Variants in PGGHG observed in about 807,000 individuals in gnomAD.
PGGHG encodes the protein ATH1, acid trehalase-like 1.
A neutral mutation model predicts 74.5 loss-of-function variants in PGGHG; 67 were observed. That is an observed-to-expected ratio of 0.90 (90% CI 0.74 to 1.10). The LOEUF is 1.10. Among genes scored for constraint, PGGHG ranks in the 50% least tolerant of loss-of-function variants. The pLI, the probability that PGGHG is intolerant of heterozygous loss-of-function variation, is 0.00. For missense variants in PGGHG, 1,034 were observed against 981.5 expected, an observed-to-expected ratio of 1.05 and a Z score of -0.72; for synonymous variants, 496 against 419.9, an observed-to-expected ratio of 1.18 and a Z score of -2.21.
Position 294,119 on chromosome 11 carries a change from C to CG in PGGHG, c.1734dup (p.Ser579ValfsTer34). Reference sequence around the variant, plus strand: ...TGCAGGTGTGGACGGAGAATGCAGACGGGTCAGGCGCTGTGAACTTCCTGA... The same window carrying CG: ...TGCAGGTGTGGACGGAGAATGCAGACGGGGTCAGGCGCTGTGAACTTCCTGA... On this transcript the variant is annotated frameshift_variant, in exon 12 of 14. Coordinates refer to ENST00000409548, the MANE Select transcript of PGGHG (RefSeq NM_025092.5). LOFTEE classifies it high-confidence loss of function. 6.2e-7 allele frequency: 1 copy of CG among 1,611,140 alleles called. No homozygotes were observed. The highest frequency in any genetic ancestry group is 2.2e-5 in the East Asian group (1 of 44,852).
chr11:291,498 G>A (rs951328844), intron 4 of PGGHG: 7 of 265,034 alleles, frequency 2.6e-5, no homozygotes, highest in East Asian at 2.5e-4. Flanking sequence ...GTGGGGCTGC[G>A]TGGAGCCCGG....
At chr11:291,285 G>A in intron 4 of PGGHG, 172 bp downstream of exon 4, 5 of 828,942 alleles carry the variant, frequency 6.0e-6, no homozygotes, top group Non-Finnish European at 9.0e-6. Flanking sequence ...TAGGTGAGGG[G>A]AATGGAAGGT....
chr11:294,659 T>A lies in PGGHG; in HGVS notation c.2124T>A (p.Asp708Glu), dbSNP rs760523547. The change falls in exon 14 of 14, where the codon GAT (aspartate) becomes GAA (glutamate). Residue 708 changes from aspartate (D) to glutamate (E), a missense_variant. Transcript: ENST00000409548. ...SSEFPGRTFS[D>E]VRDPLQSPLW... ...AGTTCCCTGGGAGGACTTTTTCAGA[T>A]GTTAGGGACCCGCTCCAGAGCCCCC... The A allele has an allele frequency of 2.5e-6, 4 of 1,613,626 alleles. No individual in the cohort carries two copies. The East Asian group carries it at 8.9e-5, about 36-fold the overall frequency.
rs765928223 is a variant in PGGHG at position 294,716 on chromosome 11, C to T, written c.2181C>T (p.Thr727=). 20 of 1,610,070 alleles carry T rather than the reference C, an allele frequency of 1.2e-5. No homozygotes were observed. The highest frequency in any genetic ancestry group is 1.6e-4 in the Middle Eastern group (1 of 6,062). ...TCACCCTGGGTTCCTCCAGCCCCAC[C>T]GAGTCACTCACTGTGGACCCTGCCT... ...LWVTLGSSSP[T]ESLTVDPASE The change falls in exon 14 of 14, where the codon ACC becomes ACT. Residue 727 remains threonine (T), a synonymous_variant. Transcript: ENST00000409548.
chr11:290,224 C>G, intron 2 of PGGHG, 149 bp downstream of exon 2: 1 of 1,372,062 alleles, frequency 7.3e-7, no homozygotes, highest in Non-Finnish European at 9.7e-7. Flanking sequence ...AGGGTCCCCC[C>G]TTCCCTCCAC....
intron 4 of PGGHG, 77 bp from the exon 5 acceptor site, chr11:291,899 C>T: frequency 6.6e-7 from 1 of 1,507,308 alleles, no homozygotes; most frequent in Non-Finnish European, 8.9e-7. Context: ...TGGAGCTCTG[C>T]CGGGGCGGAA....
rs751311658 is a variant in PGGHG, at chr11:290,688, G to C, written c.481G>C (p.Gly161Arg). Residue 161 changes from glycine (G) to arginine (R), a missense_variant, in exon 4 of 14, where the codon GGC becomes CGC. Transcript: ENST00000409548. Reference sequence around the variant, plus strand: ...GCCACGCTCTCACAGGTACCTGTATGGCCACACCCTCACCCCTGAGCAGCC... The same window carrying C: ...GCCACGCTCTCACAGGTACCTGTATCGCCACACCCTCACCCCTGAGCAGCC... Reference protein sequence around the residue: ...PDFQGARYLYGHTLTPEQPGG... With the variant: ...PDFQGARYLYRHTLTPEQPGG... 6.2e-7 allele frequency: 1 copy of C among 1,605,948 alleles called. No homozygotes were observed. The highest frequency in any genetic ancestry group is 8.5e-7 in the Non-Finnish European group (1 of 1,175,120).
rs780056009 is a variant in PGGHG, at chr11:294,179, C to T, written c.1791C>T (p.Phe597=). ...GMGGFLQAVV[F]GCTGFRVTRA... ...GGGGCTTCCTGCAGGCGGTGGTCTT[C>T]GGGTGCACGGGGTTCAGGTAAGTGC... is the stretch of plus-strand genomic sequence containing the variant. The change falls in exon 12 of 14, where the codon TTC becomes TTT. Residue 597 remains phenylalanine, a synonymous_variant. Coordinates refer to ENST00000409548, the MANE Select transcript of PGGHG (RefSeq NM_025092.5). 1.1e-4 allele frequency: 179 copies of T among 1,611,328 alleles called. 1 individual carries two copies. The highest frequency in any genetic ancestry group is 8.7e-4 in the South Asian group (79 of 90,720).
At chr11:292,172 C>G (rs769819661) in intron 5 of PGGHG, 77 bp downstream of exon 5, 24 of 1,450,068 alleles carry the variant, frequency 1.7e-5, no homozygotes, top group Non-Finnish European at 2.1e-5. Context: ...GCCTGTATCC[C>G]TCTCCCCAGG....
rs1845814598 is a variant in PGGHG at position 294,362 on chromosome 11, A to G, written c.1904A>G (p.Asn635Ser). The G allele has an allele frequency of 1.9e-6, 3 of 1,612,948 alleles. No homozygotes were observed. The highest frequency in any genetic ancestry group is 1.3e-5 in the African/African-American group (1 of 74,886). Residue 635 changes from asparagine to serine, a missense_variant, in exon 13 of 14, where the codon AAC (asparagine) becomes AGC (serine). By Grantham distance (46) the Asn-to-Ser change is conservative. Transcript: ENST00000409548. ...ATCTTCTACCAGGGGAACAAGCTCA[A>G]CTTCTCTTTTTCCGAGGACTCCGTG... ...SGIFYQGNKL[N>S]FSFSEDSVTV...
chr11:293,942 C>G lies in PGGHG; in HGVS notation c.1710+17C>G, dbSNP rs1030071405. On this transcript the variant is annotated intron_variant, in intron 11 of 13. Transcript: ENST00000409548. ...CCCTTCAAGGTCAGCCTGGCCACAC[C>G]TGCCTCCCACTGGGCCCCTTGTGGT... The G allele has an allele frequency of 3.1e-6, 5 of 1,605,754 alleles. No individual in the cohort carries two copies. In the African/African-American group the frequency reaches 5.3e-5, roughly 17 times the overall value.
chr11:290,977 G>A lies in PGGHG; in HGVS notation c.770G>A (p.Arg257His), dbSNP rs573768364. 4.3e-6 allele frequency: 7 copies of A among 1,612,772 alleles called. No homozygotes were observed. Among genetic ancestry groups the A allele is most frequent in the Admixed American group, 3.3e-5 (2 of 60,018 alleles). The change falls in exon 4 of 14, where the codon CGT (arginine) becomes CAT (histidine). Residue 257 changes from arginine (R) to histidine (H), a missense_variant. Physicochemically the swap from Arg to His is conservative, Grantham distance 29 (BLOSUM62 0). Coordinates refer to ENST00000409548, the MANE Select transcript of PGGHG (RefSeq NM_025092.5). ...VGPLQLRQAL[R>H]GSLYYLLSAL... ...CCCCTGCAGCTGCGCCAGGCCCTGC[G>A]TGGCTCCCTCTACTACCTGCTCAGT...
rs377174412 is a variant in PGGHG, at chr11:293,642, C to T, written c.1529C>T (p.Pro510Leu). The change falls in exon 10 of 14, where the codon CCC (proline) becomes CTC (leucine). Residue 510 changes from proline (P) to leucine (L), a missense_variant. By Grantham distance (98) the Pro-to-Leu change is moderately conservative (BLOSUM62 -3). Transcript: ENST00000409548. ...GTCGTGCTCCTGGGATACCCAGTCC[C>T]CTTCTCCCTGAGTCCTGATGTTCGC... is the stretch of plus-strand genomic sequence containing the variant. Reference protein sequence around the residue: ...ADVVLLGYPVPFSLSPDVRRK... With the variant: ...ADVVLLGYPVLFSLSPDVRRK... 4 of 1,613,484 alleles carry T rather than the reference C, an allele frequency of 2.5e-6. No homozygotes were observed. In the African/African-American group the frequency reaches 5.3e-5, roughly 22 times the overall value.
chr11:294,279 G>A lies in PGGHG; in HGVS notation c.1821G>A (p.Ala607=), dbSNP rs367843169. ...FGCTGFRVTR[A]GVTFDPVCLS... ...TCTCCTCCCACAGGGTCACCCGAGC[G>A]GGTGTGACCTTTGACCCTGTGTGTC... is the stretch of plus-strand genomic sequence containing the variant. The change falls in exon 13 of 14, where the codon GCG becomes GCA. Residue 607 remains alanine, a synonymous_variant. Transcript: ENST00000409548. 31 of 1,607,414 alleles carry A rather than the reference G, an allele frequency of 1.9e-5. No individual in the cohort carries two copies. The highest frequency in any genetic ancestry group is 8.4e-5 in the Admixed American group (5 of 59,598).
In PGGHG at chr11:293,615, A is replaced by G. The variant is rs763954327; in HGVS notation, c.1502A>G (p.Asp501Gly). 3.1e-5 allele frequency: 50 copies of G among 1,613,450 alleles called. No homozygotes were observed. Among genetic ancestry groups the G allele is most frequent in the Non-Finnish European group, 2.9e-5 (34 of 1,179,996 alleles). ...GTAGGAGAGGTGGTGAAGCAGGCAG[A>G]CGTCGTGCTCCTGGGATACCCAGTC... is the stretch of plus-strand genomic sequence containing the variant. ...YEPGEVVKQA[D>G]VVLLGYPVPF... Residue 501 changes from aspartate (D) to glycine (G), a missense_variant, in exon 10 of 14, where the codon GAC becomes GGC. Physicochemically the swap from Asp to Gly is moderately conservative, Grantham distance 94. Coordinates refer to ENST00000409548, the MANE Select transcript of PGGHG (RefSeq NM_025092.5).
Position 293,742 on chromosome 11 carries a change from G to C in PGGHG, c.1614+15G>C. 1 of 1,613,356 alleles carries C rather than the reference G, an allele frequency of 6.2e-7. No homozygotes were observed. The highest frequency in any genetic ancestry group is 8.5e-7 in the Non-Finnish European group (1 of 1,179,988). ...CCATGACCTGGGTGAGCACCCTGGG[G>C]CTGTGGAGTTCCTACCCCATTGGCC... On this transcript the variant is annotated intron_variant, in intron 10 of 13. Transcript: ENST00000409548.
rs377674052 is a variant in PGGHG at position 292,838 on chromosome 11, A to G, written c.1159-48A>G. ...TCTGGGCACAGACAGGCCACTAGGA[A>G]TGAGAGTGACTGGGGCCCTGGCCTC... On this transcript the variant is annotated intron_variant, in intron 6 of 13. Transcript: ENST00000409548. 13 of 1,612,714 alleles carry G rather than the reference A, an allele frequency of 8.1e-6. No homozygotes were observed. In the African/African-American group the frequency reaches 1.7e-4, roughly 22 times the overall value.
Position 290,555 on chromosome 11 carries a change from G to C in PGGHG, c.425G>C (p.Ser142Thr), listed in dbSNP as rs765406788. The change falls in exon 3 of 14, where the codon AGC becomes ACC. Residue 142 changes from serine (S) to threonine (T), a missense_variant. Physicochemically the swap from Ser to Thr is moderately conservative, Grantham distance 58. Coordinates refer to ENST00000409548, the MANE Select transcript of PGGHG (RefSeq NM_025092.5). ...LLLRSAFSPE[S>T]PDLDLHQGPD... ...CTGCGGTCAGCCTTCTCCCCAGAAA[G>C]CCCAGACCTGGACCTGCATCAGGGT... is the stretch of plus-strand genomic sequence containing the variant. The C allele has an allele frequency of 1.0e-5, 16 of 1,551,358 alleles. No homozygotes were observed. Among genetic ancestry groups the C allele is most frequent in the Admixed American group, 2.0e-5 (1 of 51,062 alleles).
At position 289,782 on chromosome 11, in the gene PGGHG, GA is replaced by G; in HGVS notation, c.-13-21del. On this transcript the variant is annotated intron_variant, in intron 1 of 13. Coordinates refer to ENST00000409548, the MANE Select transcript of PGGHG (RefSeq NM_025092.5). The surrounding 1 kb of genome is among the most constrained non-coding windows in gnomAD (Gnocchi z 5.6). Reference sequence around the variant, plus strand: ...AGGCCCAGCCAGTCCCGCGGCCCCTGACACCCCATCAGGCCGCTCAGGCCCA... The same window carrying G: ...AGGCCCAGCCAGTCCCGCGGCCCCTGCACCCCATCAGGCCGCTCAGGCCCA... 6.5e-7 allele frequency: 1 copy of G among 1,535,126 alleles called. No homozygotes were observed. Among genetic ancestry groups the G allele is most frequent in the Non-Finnish European group, 8.8e-7 (1 of 1,138,200 alleles).
Sources: gnomAD v4.1 joint callset for allele counts on GRCh38, gnomAD v4.1.1 for gene constraint, Gnocchi (gnomAD v3.1) non-coding constraint, MANE v1.5 for transcripts, NCBI Gene and HGNC (gene_info 2026-07-23, HGNC 2026-07-21) for gene names.